Variants in CNBD1 observed in about 807,000 individuals in gnomAD.
The protein encoded by CNBD1 is cyclic nucleotide-binding domain-containing protein 1.
In CNBD1, 71 loss-of-function variants were observed where a neutral mutation model predicts 54.4. The ratio of observed to expected loss-of-function variants is 1.30; its 90% CI spans 1.08 to 1.59. The LOEUF is 1.59. Ranked by LOEUF, CNBD1 falls within the 40% of genes most tolerant of loss-of-function variation. The pLI is 0.00. For synonymous variants in CNBD1, 182 were observed against 170.7 expected (o/e 1.07, Z -0.51); for missense variants, 659 against 518.0 (o/e 1.27, Z -2.64).
At chr8:87,191,603 G>A (rs746321346) in intron 4 of CNBD1, among the ~76,000 whole-genome samples, 4 of 152,164 alleles carry the variant, frequency 2.6e-5, no homozygotes, top group Non-Finnish European at 5.9e-5. Flanking sequence ...GTTGGGTTGA[G>A]CATTTTAAGG....
chr8:86,953,342 A>T (rs1383179468), intron 4 of CNBD1, among the ~76,000 whole-genome samples: 1 of 152,214 alleles, frequency 6.6e-6, no homozygotes, highest in Non-Finnish European at 1.5e-5. Flanking sequence ...GGTATAGATA[A>T]TAATTGTCTA....
chr8:87,208,779 C>T (rs1265867498), intron 5 of CNBD1, among the ~76,000 whole-genome samples: 1 of 151,916 alleles, frequency 6.6e-6, no homozygotes, highest in Non-Finnish European at 1.5e-5. Flanking sequence ...AGTATTATTT[C>T]TCTTCTATTT....
At chr8:86,920,787 G>A (rs1170922755) in intron 3 of CNBD1, among the ~76,000 whole-genome samples, 1 of 152,070 alleles carries the variant, frequency 6.6e-6, no homozygotes, top group Non-Finnish European at 1.5e-5. Context: ...TCGAATTAAA[G>A]AATTTTACTG....
chr8:87,397,331 G>A (rs1471719758), intron 2 of CNBD1, among the ~76,000 whole-genome samples: 1 of 151,846 alleles, frequency 6.6e-6, no homozygotes, highest in Non-Finnish European at 1.5e-5. Context: ...TAGTTAGTGT[G>A]CTTCATCCAT....
At chr8:87,054,656 T>G (rs1290682776) in intron 4 of CNBD1, among the ~76,000 whole-genome samples, 1 of 152,228 alleles carries the variant, frequency 6.6e-6, no homozygotes, top group Non-Finnish European at 1.5e-5. Context: ...CAGAAAACTC[T>G]GGAAGTCCTG....
At chr8:87,332,771 G>T (rs1057247685) in intron 8 of CNBD1, among the ~76,000 whole-genome samples, 1 of 152,082 alleles carries the variant, frequency 6.6e-6, no homozygotes, top group African/African-American at 2.4e-5. Context: ...TGCTGTTTTG[G>T]TTACTGTAGA....
chr8:86,916,580 G>A (rs925492043), intron 3 of CNBD1, among the ~76,000 whole-genome samples: 10 of 152,074 alleles, frequency 6.6e-5, no homozygotes, highest in Non-Finnish European at 1.2e-4. Context: ...TTATGTGTAC[G>A]TGTAAGTCTA....
chr8:87,297,163 C>CA (rs555582073), intron 8 of CNBD1, among the ~76,000 whole-genome samples: 2,686 of 87,842 alleles, frequency 0.031, 79 homozygotes, highest in African/African-American at 0.08. Context: ...GGGTCCGTCT[C>CA]AAAAAAAAAA....
rs1001325100 is a variant in CNBD1, at chr8:86,936,039, G to A, written c.273-3557G>A. 2.0e-4 allele frequency among the ~76,000 whole-genome samples: 30 copies of A among 152,020 alleles called. 1 individual carries two copies. Among genetic ancestry groups the A allele is most frequent in the Non-Finnish European group, 7.4e-5 (5 of 68,004 alleles). ...CCTGTAGTACCAGCTACTTGGGAGGGTGAGGTGGGAGGATTGCATGAGCTG... is the reference window on the plus strand; with the variant it reads ...CCTGTAGTACCAGCTACTTGGGAGGATGAGGTGGGAGGATTGCATGAGCTG... On this transcript the variant is annotated intron_variant, in intron 3 of 10. Transcript: ENST00000518476.
intron 4 of CNBD1, among the ~76,000 whole-genome samples, chr8:87,198,632 A>G (rs1187343864): frequency 6.6e-6 from 1 of 152,184 alleles, no homozygotes; most frequent in African/African-American, 2.4e-5. Flanking sequence ...ATGACAACAC[A>G]CAACTTTTGC....
intron 4 of CNBD1, among the ~76,000 whole-genome samples, chr8:86,989,978 T>G (rs1252894197): frequency 6.6e-6 from 1 of 152,222 alleles, no homozygotes; most frequent in Non-Finnish European, 1.5e-5. Context: ...CATACACCTA[T>G]TTGCCATGTG....
At chr8:87,127,425 A>G (rs1364575721) in intron 4 of CNBD1, among the ~76,000 whole-genome samples, 1 of 152,114 alleles carries the variant, frequency 6.6e-6, no homozygotes, top group Non-Finnish European at 1.5e-5. Context: ...GCTACTTTAA[A>G]TTGTATTAAA....
At chr8:87,301,247 C>A (rs1808983367) in intron 8 of CNBD1, among the ~76,000 whole-genome samples, 1 of 152,128 alleles carries the variant, frequency 6.6e-6, no homozygotes, top group South Asian at 2.1e-4. Flanking sequence ...CAGATGGATT[C>A]ACAGCAGAAT....
intron 4 of CNBD1, among the ~76,000 whole-genome samples, chr8:87,123,677 C>G (rs371514341): frequency 6.6e-6 from 1 of 151,438 alleles, no homozygotes; most frequent in East Asian, 1.9e-4. Context: ...CAGAGCAGAT[C>G]TAAATGAAAT....
In CNBD1 at chr8:87,355,260, TA is replaced by T. The variant is rs571337541; in HGVS notation, c.1303+1478del. Among the ~76,000 whole-genome samples the T allele has an allele frequency of 3.9e-3, 590 of 152,340 alleles. 8 individuals are homozygous for T. Among genetic ancestry groups the T allele is most frequent in the African/African-American group, 0.013 (556 of 41,580 alleles). The stretch of plus-strand genomic sequence containing the variant: ...TCAAAAGACTTTGTTTTGAAATTAC[TA>T]AAATCTCTCTGCCACTTCCCAGGTT... On this transcript the variant is annotated intron_variant, in intron 10 of 10. Coordinates refer to ENST00000518476, the MANE Select transcript of CNBD1 (RefSeq NM_173538.3).
At chr8:86,879,141 C>T (rs1415374150) in intron 1 of CNBD1, among the ~76,000 whole-genome samples, 2 of 151,960 alleles carry the variant, frequency 1.3e-5, no homozygotes, top group Non-Finnish European at 2.9e-5. Context: ...ATTTGATTTT[C>T]ATTGCATACA....
At chr8:86,960,151 CA>C (rs2130467637) in intron 4 of CNBD1, among the ~76,000 whole-genome samples, 1 of 152,244 alleles carries the variant, frequency 6.6e-6, no homozygotes, top group South Asian at 2.1e-4. Context: ...ATAGTGGGTG[CA>C]GCCCACAGAG....
intron 4 of CNBD1, among the ~76,000 whole-genome samples, chr8:86,954,981 C>G (rs1220289593): frequency 7.9e-6 from 1 of 126,428 alleles, no homozygotes; most frequent in South Asian, 3.2e-4. Flanking sequence ...AATCCCTCCC[C>G]CCTCCCCCCA....
chr8:87,305,101 A>C (rs895996199), intron 8 of CNBD1, among the ~76,000 whole-genome samples: 2 of 152,264 alleles, frequency 1.3e-5, no homozygotes, highest in South Asian at 4.1e-4. Context: ...TAGCTCTTCT[A>C]TACACCAACA....
Sources: gnomAD v4.1 joint callset for allele counts (sites outside exome capture counted in the v4.1 genomes callset) on GRCh38, gnomAD v4.1.1 for gene constraint, MANE v1.5 for transcripts, NCBI Gene and HGNC (gene_info 2026-07-23, HGNC 2026-07-21) for gene names.